The following SLC7A2 variants were observed in gnomAD, a reference collection of about 807,000 sequenced individuals.
SLC7A2 encodes the protein cationic amino acid transporter 2.
SLC7A2 carries 48 observed loss-of-function variants against 58.9 expected under a neutral mutation model. That is an observed-to-expected ratio of 0.82 (90% CI 0.65 to 1.04). SLC7A2 has a LOEUF of 1.04. Ranked by LOEUF, SLC7A2 falls within the 50% of genes least tolerant of loss-of-function variation. SLC7A2 has a pLI of 0.00. For missense variants in SLC7A2, 1,029 were observed against 818.8 expected, an observed-to-expected ratio of 1.26 and a Z score of -3.13; for synonymous variants, 363 against 314.5, an observed-to-expected ratio of 1.15 and a Z score of -1.63.
intron 2 of SLC7A2, among the ~76,000 whole-genome samples, chr8:17,528,456 C>T (rs545790631): frequency 5.9e-5 from 9 of 152,138 alleles, no homozygotes; most frequent in Non-Finnish European, 1.3e-4. Context: ...ATGATTATGG[C>T]TCACTGCAGC....
intron 2 of SLC7A2, chr8:17,510,546 C>T (rs929144843): frequency 6.6e-6 from 1 of 152,136 alleles, no homozygotes; most frequent in African/African-American, 2.4e-5. Flanking sequence ...GATATGGTAT[C>T]TCATTGTGGT....
chr8:17,532,260 C>CAAAAAA, intron 2 of SLC7A2, among the ~76,000 whole-genome samples: 1 of 47,050 alleles, frequency 2.1e-5, no homozygotes, highest in Non-Finnish European at 4.2e-5. Context: ...AAAAAAAAAA[C>CAAAAAA]CCCAGCAATT....
At chr8:17,538,956 A>G (rs1801793671) in intron 2 of SLC7A2, 3 of 1,590,036 alleles carry the variant, frequency 1.9e-6, no homozygotes, top group African/African-American at 1.3e-5. Context: ...GGATACTGAT[A>G]TAGAAGATTA....
chr8:17,509,516 G>T (rs1450124395), intron 2 of SLC7A2, among the ~76,000 whole-genome samples: 2 of 152,020 alleles, frequency 1.3e-5, no homozygotes, highest in Non-Finnish European at 1.5e-5. Flanking sequence ...GTGATGGCTA[G>T]GCTGGTCCCG....
intron 2 of SLC7A2, among the ~76,000 whole-genome samples, chr8:17,531,128 T>C (rs918659151): frequency 2.6e-5 from 4 of 152,160 alleles, no homozygotes; most frequent in Admixed American, 2.6e-4. Flanking sequence ...ATTCAGAGCC[T>C]AAGATAGGAT....
chr8:17,520,997 T>A (rs948792344), intron 2 of SLC7A2, among the ~76,000 whole-genome samples: 1 of 152,168 alleles, frequency 6.6e-6, no homozygotes, highest in Non-Finnish European at 1.5e-5. Context: ...GGCTTAGTAT[T>A]TTTTAGATGA....
rs10106650 is a variant in SLC7A2, at chr8:17,557,445, G to T, written c.1196-850G>T. The stretch of plus-strand genomic sequence containing the variant: ...CAGATCTAGTAAGTCTACCTGGAAT[G>T]CATGGCTTTAATCGTAGTAGAATTT... On this transcript the variant is annotated intron_variant, in intron 8 of 12. Transcript: ENST00000494857. 2.9e-3 allele frequency among the ~76,000 whole-genome samples: 434 copies of T among 152,262 alleles called. 2 individuals carry two copies. Among genetic ancestry groups the T allele is most frequent in the African/African-American group, 0.01 (419 of 41,550 alleles).
chr8:17,565,365 G>T lies in SLC7A2; in HGVS notation c.*219G>T. The T allele has an allele frequency of 1.9e-6, 1 of 534,838 alleles. No individual in the cohort carries two copies. The highest frequency in any genetic ancestry group is 3.3e-6 in the Non-Finnish European group (1 of 301,664). 33.1% of individuals were successfully genotyped at this position (534,838 alleles called of 1,614,324 possible). On this transcript the variant is annotated 3_prime_UTR_variant, in exon 13 of 13. Transcript: ENST00000494857. ...AAGTTTCATTCATCAGTGATGAATA[G>T]CCCCCAAACAGTGGGAGTGTGTATG...
At chr8:17,546,331 A>G (rs1364221880) in intron 4 of SLC7A2, among the ~76,000 whole-genome samples, 1 of 152,214 alleles carries the variant, frequency 6.6e-6, no homozygotes, top group Non-Finnish European at 1.5e-5. Context: ...TTATAGGTGA[A>G]GCTTATGTTT....
chr8:17,539,616 A>G (rs1801823816), intron 2 of SLC7A2, among the ~76,000 whole-genome samples: 1 of 152,202 alleles, frequency 6.6e-6, no homozygotes, highest in African/African-American at 2.4e-5. Context: ...TTCTAAGGCC[A>G]AGGACAGGGG....
At chr8:17,496,343 T>C (rs1799957792), upstream of SLC7A2, among the ~76,000 whole-genome samples, 1 of 152,040 alleles carries the variant, frequency 6.6e-6, no homozygotes, top group East Asian at 1.9e-4. Context: ...CACACACACA[T>C]ATACACACAC....
At chr8:17,500,805 C>CACAT (rs1220788288) in intron 1 of SLC7A2, among the ~76,000 whole-genome samples, 4 of 19,404 alleles carry the variant, frequency 2.1e-4, no homozygotes, top group African/African-American at 5.7e-4. Flanking sequence ...CACATACACA[C>CACAT]ACACACACAC....
In SLC7A2 at chr8:17,563,603, G is replaced by T; in HGVS notation, c.1672G>T (p.Val558Phe). The T allele has an allele frequency of 1.9e-6, 3 of 1,590,678 alleles. No homozygotes were observed. The South Asian group carries it at 3.3e-5, about 18-fold the overall frequency. ...PQNQQKVAFM[V>F]PFLPFLPAFS... ...TCAAAAGGATTGTTTTCCCCCTCAG[G>T]TTCCATTCTTACCATTTTTGCCAGC... The change falls in exon 12 of 13, where the codon GTT becomes TTT. Residue 558 changes from valine (V) to phenylalanine (F), a missense_variant and splice_region_variant. By Grantham distance (50) the Val-to-Phe change is conservative (BLOSUM62 -1). Transcript: ENST00000494857.
upstream of SLC7A2, chr8:17,497,080 G>T (rs940615250): frequency 2.6e-5 from 4 of 151,126 alleles, no homozygotes; most frequent in Non-Finnish European, 5.9e-5. Context: ...GCGCCCACGT[G>T]CCCAGCCCTC....
rs367594730 is a variant in SLC7A2 at position 17,551,743 on chromosome 8, C to A, written c.833-21C>A. ...TTGATGTTTTATTAAGCATACACAT[C>A]TTTTGTTTATATTTCCTTAGGTGAA... On this transcript the variant is annotated intron_variant, in intron 6 of 12. Coordinates refer to ENST00000494857, the MANE Select transcript of SLC7A2 (RefSeq NM_001370338.1). 1.0e-5 allele frequency: 16 copies of A among 1,558,166 alleles called. No homozygotes were observed. In the African/African-American group the frequency reaches 2.2e-4, roughly 21 times the overall value.
chr8:17,508,992 G>A (rs1258602740), intron 2 of SLC7A2, among the ~76,000 whole-genome samples: 1 of 152,136 alleles, frequency 6.6e-6, no homozygotes, highest in Non-Finnish European at 1.5e-5. Context: ...GTGTGTTGGT[G>A]AAAGTTGGAG....
intron 2 of SLC7A2, among the ~76,000 whole-genome samples, chr8:17,529,543 T>C (rs1435267153): frequency 3.3e-5 from 5 of 151,696 alleles, no homozygotes; most frequent in Admixed American, 3.3e-4. Context: ...TTTTTTTTTT[T>C]TTTGAGAGAT....
intron 2 of SLC7A2, among the ~76,000 whole-genome samples, chr8:17,502,543 G>A (rs1800202641): frequency 6.6e-6 from 1 of 152,180 alleles, no homozygotes; most frequent in African/African-American, 2.4e-5. Context: ...ATTGCACAAG[G>A]AAGATTTCCA....
intron 2 of SLC7A2, among the ~76,000 whole-genome samples, chr8:17,524,385 G>C (rs1198259589): frequency 6.8e-6 from 1 of 147,838 alleles, no homozygotes; most frequent in African/African-American, 2.5e-5. Context: ...AGTATAGAAA[G>C]AAAATGTGAG....
Sources: allele counts gnomAD v4.1 joint callset (sites outside exome capture counted in the v4.1 genomes callset), GRCh38; gene constraint gnomAD v4.1.1; transcripts MANE v1.5; gene names NCBI Gene and HGNC (gene_info 2026-07-23, HGNC 2026-07-21).